Variants in GDF11 observed in about 807,000 individuals in gnomAD.
The protein encoded by GDF11 is growth differentiation factor 11, also known as growth/differentiation factor 11.
Under a neutral mutation model 34.4 loss-of-function variants are expected in GDF11, and 12 were observed. That is an observed-to-expected ratio of 0.35 (90% CI 0.22 to 0.57). GDF11 has a LOEUF of 0.57. GDF11 is among the 20% of genes least tolerant of loss of function. The pLI is 0.86. For synonymous variants in GDF11, 212 were observed against 231.1 expected, an observed-to-expected ratio of 0.92 and a Z score of 0.75; for missense variants, 346 against 548.2, an observed-to-expected ratio of 0.63 and a Z score of 3.68.
In GDF11 at chr12:55,752,225, T is replaced by G. The variant is rs1002412370; in HGVS notation, c.*2343T>G. ...ACAGATACCTCCCTCCAAGGTCAAA[T>G]GCCTCGTGATCTTGGCAGAGTAGGG... On this transcript the variant is annotated 3_prime_UTR_variant, in exon 3 of 3. Transcript: ENST00000257868. The G allele has an allele frequency of 6.6e-6, 1 of 152,176 alleles. No homozygotes were observed. Among genetic ancestry groups the G allele is most frequent in the East Asian group, 1.9e-4 (1 of 5,194 alleles). The allele number at this position is 152,176 out of a possible 1,614,324, so 9.4% of individuals were successfully genotyped here.
chr12:55,745,596 G>A (rs1438480255), intron 1 of GDF11, among the ~76,000 whole-genome samples: 2 of 150,296 alleles, frequency 1.3e-5, no homozygotes, highest in Non-Finnish European at 1.5e-5. Context: ...GGAGGGGAGG[G>A]GAGGGAGAGA....
Position 55,756,992 on chromosome 12 carries a change from C to T in GDF11, c.*7110C>T, listed in dbSNP as rs1200716181. On this transcript the variant is annotated 3_prime_UTR_variant, in exon 3 of 3. Transcript: ENST00000257868. ...TATCCTTTGCAACACCTAAAACCTC[C>T]CATGTTCTGTTTTATTTCAGTGGGT... The T allele has an allele frequency of 6.6e-6, 1 of 152,258 alleles. No individual in the cohort carries two copies. Among genetic ancestry groups the T allele is most frequent in the Non-Finnish European group, 1.5e-5 (1 of 68,096 alleles). 9.4% of individuals were successfully genotyped at this position (152,258 alleles called of 1,614,324 possible). A position where few individuals can be genotyped will look rare whatever the true frequency, so the allele number is the denominator to read the frequency against.
chr12:55,744,141 G>T (rs1878129126), intron 1 of GDF11, among the ~76,000 whole-genome samples: 2 of 152,214 alleles, frequency 1.3e-5, no homozygotes, highest in Non-Finnish European at 2.9e-5. Context: ...GACCCCCGCA[G>T]CCCCAGCTGG....
Position 55,749,947 on chromosome 12 carries a change from C to A in GDF11, c.*65C>A. The A allele has an allele frequency of 7.2e-7, 1 of 1,381,464 alleles. No homozygotes were observed. 85.6% of individuals were successfully genotyped at this position (1,381,464 alleles called of 1,614,324 possible). On this transcript the variant is annotated 3_prime_UTR_variant, in exon 3 of 3. Transcript: ENST00000257868. This position sits in a 1 kb window ranked among gnomAD's most constrained non-coding sequence, Gnocchi z 5.6. ...CAAGACCCCTAGCCCTGCCCCCATC[C>A]CCCCAAGCCCTAGAGCTCCCTCCAC...
chr12:55,747,197 C>T (rs1878203704), intron 1 of GDF11, among the ~76,000 whole-genome samples: 1 of 152,098 alleles, frequency 6.6e-6, no homozygotes, highest in Non-Finnish European at 1.5e-5. Flanking sequence ...ATTCTCACCC[C>T]CCAAACCCTA....
In GDF11 at chr12:55,750,905, G is replaced by A. The variant is rs1005380925; in HGVS notation, c.*1023G>A. 1 of 152,178 alleles carries A rather than the reference G, an allele frequency of 6.6e-6. No homozygotes were observed. The highest frequency in any genetic ancestry group is 6.5e-5 in the Admixed American group (1 of 15,270). The allele number at this position is 152,178 out of a possible 1,614,324, so 9.4% of individuals were successfully genotyped here. On this transcript the variant is annotated 3_prime_UTR_variant, in exon 3 of 3. Coordinates refer to ENST00000257868, the MANE Select transcript of GDF11 (RefSeq NM_005811.5). ...TGCCCAAATTCCCTCAGCCAAGAGAGAGACCAAAGAGCCTCTGGAATGGCC... is the reference window on the plus strand; with the variant it reads ...TGCCCAAATTCCCTCAGCCAAGAGAAAGACCAAAGAGCCTCTGGAATGGCC...
In GDF11 at chr12:55,748,766, C is replaced by CAGGGGG. The variant is rs1352201758; in HGVS notation, c.633_638dup (p.Gly214_Gly215dup). On this transcript the variant is annotated inframe_insertion, in exon 2 of 3. Coordinates refer to ENST00000257868, the MANE Select transcript of GDF11 (RefSeq NM_005811.5). The surrounding 1 kb of genome is among the most constrained non-coding windows in gnomAD (Gnocchi z 5.6). ...AAACCCCTAACTGGGGAAGGGACCG[C>CAGGGGG]AGGGGGAGGGGGCGGAGGCCGGCGT... is the stretch of plus-strand genomic sequence containing the variant. 6.2e-7 allele frequency: 1 copy of CAGGGGG among 1,614,222 alleles called. No individual in the cohort carries two copies.
rs1162502190 is a variant in GDF11 at position 55,743,669 on chromosome 12, A to C, written c.353A>C (p.Asp118Ala). ...CTGCAGCAGATCCTGGACCTACACG[A>C]CTTCCAGGGCGACGCGCTGCAGCCC... Reference protein sequence around the residue: ...PPLQQILDLHDFQGDALQPED... With the variant: ...PPLQQILDLHAFQGDALQPED... The change falls in exon 1 of 3, where the codon GAC (aspartate) becomes GCC (alanine). Residue 118 changes from aspartate (D) to alanine (A), a missense_variant. Asp to Ala is a moderately radical substitution (Grantham distance 126, BLOSUM62 -2). This residue lies in a region of GDF11 where 141 missense variants were observed against 213.8 expected (regional missense o/e 0.66). Transcript: ENST00000257868. 6.2e-7 allele frequency: 1 copy of C among 1,603,656 alleles called. No individual in the cohort carries two copies. The highest frequency in any genetic ancestry group is 1.7e-5 in the Admixed American group (1 of 59,994).
Position 55,757,083 on chromosome 12 carries a change from A to T in GDF11, c.*7201A>T. Reference sequence around the variant, plus strand: ...CTTAACCTCTTCACAGAGGATAAAAAATGCTTGTGAGTATGACAGAAGGGA... The same window carrying T: ...CTTAACCTCTTCACAGAGGATAAAATATGCTTGTGAGTATGACAGAAGGGA... On this transcript the variant is annotated 3_prime_UTR_variant, in exon 3 of 3. Transcript: ENST00000257868. 6.5e-6 allele frequency: 1 copy of T among 153,186 alleles called. No homozygotes were observed. Among genetic ancestry groups the T allele is most frequent in the Non-Finnish European group, 1.5e-5 (1 of 68,634 alleles). 9.5% of individuals were successfully genotyped at this position (153,186 alleles called of 1,614,324 possible).
rs912250757 is a variant in GDF11 at position 55,752,829 on chromosome 12, C to T, written c.*2947C>T. On this transcript the variant is annotated 3_prime_UTR_variant, in exon 3 of 3. Coordinates refer to ENST00000257868, the MANE Select transcript of GDF11 (RefSeq NM_005811.5). The stretch of plus-strand genomic sequence containing the variant: ...TTTGGGATGGTCACATGACACAATC[C>T]AGCACTTGAACCTGAAAAAAAAAAT... The T allele has an allele frequency of 6.6e-6, 1 of 151,966 alleles. No individual in the cohort carries two copies. The highest frequency in any genetic ancestry group is 2.4e-5 in the African/African-American group (1 of 41,344). 9.4% of individuals were successfully genotyped at this position (151,966 alleles called of 1,614,324 possible).
rs1878348237 is a variant in GDF11, at chr12:55,752,364, G to T, written c.*2482G>T. 1 of 141,936 alleles carries T rather than the reference G, an allele frequency of 7.0e-6. No individual in the cohort carries two copies. Among genetic ancestry groups the T allele is most frequent in the Non-Finnish European group, 1.5e-5 (1 of 66,030 alleles). 8.8% of individuals were successfully genotyped at this position (141,936 alleles called of 1,614,324 possible). On this transcript the variant is annotated 3_prime_UTR_variant, in exon 3 of 3. Transcript: ENST00000257868. Reference sequence around the variant, plus strand: ...TAAATACCACCAAATAAAGACCTTTGTGTGTGTGTGGTGGGTGGGGGGGGG... The same window carrying T: ...TAAATACCACCAAATAAAGACCTTTTTGTGTGTGTGGTGGGTGGGGGGGGG...
Position 55,743,479 on chromosome 12 carries a change from G to T in GDF11, c.163G>T (p.Val55Leu). ...GCGCTCCAGCCGGCCAGCCCCGTCC[G>T]TGGCGCCCGAGCCGGACGGCTGCCC... ...GERSSRPAPS[V>L]APEPDGCPVC... Residue 55 changes from valine (V) to leucine (L), a missense_variant, in exon 1 of 3, where the codon GTG becomes TTG. Physicochemically the swap from Val to Leu is conservative, Grantham distance 32. Around this residue, in one of 3 missense-constraint regions of GDF11, gnomAD observed 141 missense variants for 213.8 expected, o/e 0.66. Transcript: ENST00000257868. 6.6e-7 allele frequency: 1 copy of T among 1,504,756 alleles called. No individual in the cohort carries two copies. The highest frequency in any genetic ancestry group is 1.4e-5 in the African/African-American group (1 of 71,202). 93.2% of individuals were successfully genotyped at this position (1,504,756 alleles called of 1,614,324 possible). A position where few individuals can be genotyped will look rare whatever the true frequency, so the allele number is the denominator to read the frequency against.
Position 55,753,967 on chromosome 12 carries a change from T to C in GDF11, c.*4085T>C, listed in dbSNP as rs1426305279. On this transcript the variant is annotated 3_prime_UTR_variant, in exon 3 of 3. Transcript: ENST00000257868. ...AGTAAGACACTGTCTCTAAAAATAA[T>C]TAAAGTAAAATAAAAATAAGGAAAG... The C allele has an allele frequency of 6.6e-6, 1 of 151,874 alleles. No individual in the cohort carries two copies. The allele number at this position is 151,874 out of a possible 1,614,324, so 9.4% of individuals were successfully genotyped here.
chr12:55,749,496 C>T lies in GDF11; in HGVS notation c.844-6C>T. On this transcript the variant is annotated splice_region_variant and splice_polypyrimidine_tract_variant and intron_variant, in intron 2 of 2. Coordinates refer to ENST00000257868, the MANE Select transcript of GDF11 (RefSeq NM_005811.5). The surrounding 1 kb of genome is among the most constrained non-coding windows in gnomAD (Gnocchi z 5.6). ...CACATTTCTTTCCCCTCTCCCTGAC[C>T]CTCAGCATCCATTCATGGAGCTTCG... 6.2e-7 allele frequency: 1 copy of T among 1,602,104 alleles called. No individual in the cohort carries two copies. The highest frequency in any genetic ancestry group is 8.5e-7 in the Non-Finnish European group (1 of 1,171,398).
chr12:55,748,923 CT>C lies in GDF11; in HGVS notation c.786del (p.Phe262LeufsTer29). The C allele has an allele frequency of 6.2e-7, 1 of 1,604,798 alleles. No individual in the cohort carries two copies. On this transcript the variant is annotated frameshift_variant, in exon 2 of 3. Coordinates refer to ENST00000257868, the MANE Select transcript of GDF11 (RefSeq NM_005811.5). LOFTEE classifies it high-confidence loss of function. The surrounding 1 kb of genome is among the most constrained non-coding windows in gnomAD (Gnocchi z 5.6). ...QSNWGIEINA[F>X]DPSGTDLAVT... ...GCAACTGGGGCATCGAGATCAACGCCTTTGATCCCAGTGGCACAGACCTGGC... is the reference window on the plus strand; with the variant it reads ...GCAACTGGGGCATCGAGATCAACGCCTTGATCCCAGTGGCACAGACCTGGC...
chr12:55,745,672 G>A (rs1474514507), intron 1 of GDF11, among the ~76,000 whole-genome samples: 1 of 151,936 alleles, frequency 6.6e-6, no homozygotes, highest in African/African-American at 2.4e-5. Context: ...AGAGACTTGT[G>A]CTCTGCTAAT....
chr12:55,743,424 G>C lies in GDF11; in HGVS notation c.108G>C (p.Ala36=), dbSNP rs186712286. ...CCGCGGCGGCGGCGGCGGCGGCGGC[G>C]GCGGCGGCAGCGGCGGGGGTCGGGG... ...EGPAAAAAAA[A]AAAAAGVGGE... Residue 36 remains alanine (A), a synonymous_variant, in exon 1 of 3, where the codon GCG becomes GCC. Coordinates refer to ENST00000257868, the MANE Select transcript of GDF11 (RefSeq NM_005811.5). The C allele has an allele frequency of 1.9e-6, 2 of 1,078,084 alleles. No homozygotes were observed. Among genetic ancestry groups the C allele is most frequent in the Non-Finnish European group, 2.2e-6 (2 of 890,978 alleles). The allele number at this position is 1,078,084 out of a possible 1,614,324, so 66.8% of individuals were successfully genotyped here. A position where few individuals can be genotyped will look rare whatever the true frequency, so the allele number is the denominator to read the frequency against.
At position 55,755,053 on chromosome 12, in the gene GDF11, G is replaced by GAA. The variant is rs1878462619; in HGVS notation, c.*5174_*5175dup. The GAA allele has an allele frequency of 6.6e-6, 1 of 152,168 alleles. No homozygotes were observed. Among genetic ancestry groups the GAA allele is most frequent in the South Asian group, 2.1e-4 (1 of 4,830 alleles). 9.4% of individuals were successfully genotyped at this position (152,168 alleles called of 1,614,324 possible). A position where few individuals can be genotyped will look rare whatever the true frequency, so the allele number is the denominator to read the frequency against. ...AAATCCCTTTGGAAGGGAAAAACAAGAAAAGTCTAGATATGGCAAGAGAAG... is the reference window on the plus strand; with the variant it reads ...AAATCCCTTTGGAAGGGAAAAACAAGAAAAAAGTCTAGATATGGCAAGAGAAG... On this transcript the variant is annotated 3_prime_UTR_variant, in exon 3 of 3. Coordinates refer to ENST00000257868, the MANE Select transcript of GDF11 (RefSeq NM_005811.5).
At position 55,748,464 on chromosome 12, in the gene GDF11, G is replaced by C; in HGVS notation, c.446-122G>C. On this transcript the variant is annotated intron_variant, in intron 1 of 2. Transcript: ENST00000257868. This position sits in a 1 kb window ranked among gnomAD's most constrained non-coding sequence, Gnocchi z 5.6. ...GAGACATGGTATAAGATAGGCATGGGAGAAGGGTAAAGAAGAACTGGAAAA... is the reference window on the plus strand; with the variant it reads ...GAGACATGGTATAAGATAGGCATGGCAGAAGGGTAAAGAAGAACTGGAAAA... 3 of 820,236 alleles carry C rather than the reference G, an allele frequency of 3.7e-6. No individual in the cohort carries two copies. In the South Asian group the frequency reaches 4.9e-5, roughly 14 times the overall value. 50.8% of individuals were successfully genotyped at this position (820,236 alleles called of 1,614,324 possible). A position where few individuals can be genotyped will look rare whatever the true frequency, so the allele number is the denominator to read the frequency against.
Sources: gnomAD v4.1 joint callset for allele counts (sites outside exome capture counted in the v4.1 genomes callset) on GRCh38, gnomAD v4.1.1 for gene constraint, gnomAD v4.1.1 regional missense constraint, Gnocchi (gnomAD v3.1) non-coding constraint, MANE v1.5 for transcripts, NCBI Gene and HGNC (gene_info 2026-07-23, HGNC 2026-07-21) for gene names.